Variants in PCGF5 observed in about 807,000 individuals in gnomAD.
PCGF5 encodes the protein polycomb group RING finger protein 5.
Under a neutral mutation model 44.3 loss-of-function variants are expected in PCGF5, and 9 were observed. That is an observed-to-expected ratio of 0.20 (90% CI 0.12 to 0.35). The LOEUF (loss-of-function observed/expected upper bound fraction) is 0.35. PCGF5 is among the 10% of genes least tolerant of loss of function. The pLI is 1.00. For missense variants in PCGF5, 146 were observed against 305.3 expected, an observed-to-expected ratio of 0.48 and a Z score of 3.89; for synonymous variants, 95 against 102.5, an observed-to-expected ratio of 0.93 and a Z score of 0.44.
At chr10:91,219,899 T>G (rs74457866), upstream of PCGF5, among the ~76,000 whole-genome samples, 1,465 of 152,238 alleles carry the variant, frequency 9.6e-3, 19 homozygotes, top group South Asian at 0.033. Context: ...TAGTAAGAAG[T>G]TAACGCCTAT....
intron 6 of PCGF5, among the ~76,000 whole-genome samples, chr10:91,259,296 T>G (rs1386550421): frequency 1.3e-5 from 2 of 152,182 alleles, no homozygotes; most frequent in African/African-American, 4.8e-5. Context: ...TTCTAATTTC[T>G]GGGGCATGCT....
chr10:91,173,191 T>G (rs1245853936), intron 1 of PCGF5, among the ~76,000 whole-genome samples: 1 of 152,236 alleles, frequency 6.6e-6, no homozygotes, highest in Non-Finnish European at 1.5e-5. Context: ...TTTAAGAGCT[T>G]AATTTTTAAA....
chr10:91,237,860 A>G (rs1845210412), intron 2 of PCGF5, among the ~76,000 whole-genome samples: 1 of 152,176 alleles, frequency 6.6e-6, no homozygotes. Flanking sequence ...AAGTGGAATA[A>G]GATACTGCAT....
intron 6 of PCGF5, 58 bp from the exon 7 acceptor site, chr10:91,261,268 C>A: frequency 7.2e-7 from 1 of 1,386,926 alleles, no homozygotes; most frequent in Non-Finnish European, 9.5e-7. Flanking sequence ...TCACCAGAAG[C>A]AAGATAGAAC....
At chr10:91,213,471 A>AT (rs1414116576) in intron 1 of PCGF5, among the ~76,000 whole-genome samples, 43 of 140,266 alleles carry the variant, frequency 3.1e-4, no homozygotes, top group African/African-American at 9.9e-4. Context: ...CATTAAAAAA[A>AT]ATTTTTTTTT....
chr10:91,258,875 A>G (rs1430884791), intron 6 of PCGF5, among the ~76,000 whole-genome samples: 1 of 152,146 alleles, frequency 6.6e-6, no homozygotes, highest in Non-Finnish European at 1.5e-5. Flanking sequence ...ATGTTTTGCT[A>G]GGAAAACATT....
chr10:91,260,511 A>G (rs994036003), intron 6 of PCGF5, among the ~76,000 whole-genome samples: 15 of 152,046 alleles, frequency 9.9e-5, no homozygotes, highest in African/African-American at 3.4e-4. Flanking sequence ...ACATGCACAC[A>G]TATGTTTATT....
At chr10:91,178,942 C>CA (rs763406967) in intron 1 of PCGF5, among the ~76,000 whole-genome samples, 4 of 152,194 alleles carry the variant, frequency 2.6e-5, no homozygotes, top group Admixed American at 2.6e-4. Flanking sequence ...CACTCTATCT[C>CA]AACATCTTTT....
intron 2 of PCGF5, among the ~76,000 whole-genome samples, chr10:91,233,517 C>T (rs1163274595): frequency 3.3e-5 from 5 of 152,022 alleles, no homozygotes; most frequent in South Asian, 4.2e-4. Flanking sequence ...AAGAAAGAAA[C>T]GTGCCAATAT....
upstream of PCGF5, among the ~76,000 whole-genome samples, chr10:91,161,008 T>C (rs1404298168): frequency 6.6e-6 from 1 of 152,210 alleles, no homozygotes; most frequent in African/African-American, 2.4e-5. Context: ...CTTCTCCTGC[T>C]TTCCACCACT....
intron 2 of PCGF5, among the ~76,000 whole-genome samples, chr10:91,239,580 C>T (rs1004972860): frequency 3.9e-5 from 6 of 152,092 alleles, no homozygotes; most frequent in African/African-American, 1.2e-4. Context: ...GTGAAAATTT[C>T]AGGTTATACG....
rs1205441938 is a variant in PCGF5 at position 91,283,291 on chromosome 10, T to A, written c.*4975T>A. ...AAGTTATAAAATTAAAAATAATTAT[T>A]TTAAATGCTCATTCAAATGTGTCTG... On this transcript the variant is annotated 3_prime_UTR_variant, in exon 10 of 10. Coordinates refer to ENST00000336126, the MANE Select transcript of PCGF5 (RefSeq NM_032373.5). 6.6e-6 allele frequency: 1 copy of A among 152,208 alleles called. No individual in the cohort carries two copies. The highest frequency in any genetic ancestry group is 2.4e-5 in the African/African-American group (1 of 41,456). 9.4% of individuals were successfully genotyped at this position (152,208 alleles called of 1,614,324 possible).
In PCGF5 at chr10:91,247,593, G is replaced by C. The variant is rs77033468; in HGVS notation, c.210-912G>C. ...AGGATGAAGGAGATGAGGCAGGAAG[G>C]GGGTGTTGTGGGGGCAAGAGAATGG... On this transcript the variant is annotated intron_variant, in intron 3 of 9. Transcript: ENST00000336126. 6.3e-3 allele frequency among the ~76,000 whole-genome samples: 946 copies of C among 151,120 alleles called. 8 individuals are homozygous for C. Among genetic ancestry groups the C allele is most frequent in the Non-Finnish European group, 0.01 (711 of 67,808 alleles).
chr10:91,247,030 A>T (rs1039532543), intron 3 of PCGF5, among the ~76,000 whole-genome samples: 36 of 152,028 alleles, frequency 2.4e-4, no homozygotes, highest in Non-Finnish European at 4.6e-4. Flanking sequence ...TAATCTGCCT[A>T]TATGTTAGTT....
intron 6 of PCGF5, among the ~76,000 whole-genome samples, chr10:91,259,357 A>G (rs1239987223): frequency 6.6e-6 from 1 of 152,150 alleles, no homozygotes; most frequent in East Asian, 1.9e-4. Context: ...TCAGGGTCCC[A>G]TTTGACATCA....
intron 1 of PCGF5, among the ~76,000 whole-genome samples, chr10:91,208,819 A>G (rs2133247948): frequency 6.6e-6 from 1 of 152,268 alleles, no homozygotes; most frequent in South Asian, 2.1e-4. Context: ...GGAAATAGTG[A>G]CACCTTCAGT....
chr10:91,177,072 A>G lies in PCGF5; in HGVS notation c.-184+13991A>G, dbSNP rs566968228. Among the ~76,000 whole-genome samples the G allele has an allele frequency of 4.3e-3, 653 of 152,318 alleles. 1 individual carries two copies. Among genetic ancestry groups the G allele is most frequent in the African/African-American group, 0.015 (620 of 41,580 alleles). On this transcript the variant is annotated intron_variant, in intron 1 of 9. Coordinates refer to the PCGF5 transcript ENST00000614189. ...TTGGTCTTTGATGATGGTGACGTAC[A>G]GATGGGGTTTTGGTGTGGATGTCCT...
intron 2 of PCGF5, among the ~76,000 whole-genome samples, chr10:91,228,877 A>T (rs1329933806): frequency 2.0e-5 from 3 of 152,356 alleles, no homozygotes; most frequent in Admixed American, 2.0e-4. Flanking sequence ...ACTGAATCAG[A>T]ATCTCTGGAG....
chr10:91,264,054 G>T (rs531955058), intron 7 of PCGF5, among the ~76,000 whole-genome samples: 18 of 152,334 alleles, frequency 1.2e-4, no homozygotes, highest in Non-Finnish European at 2.4e-4. Flanking sequence ...AAGGAGCTGA[G>T]AGGAACTGTG....
Sources: gnomAD v4.1 joint callset for allele counts (sites outside exome capture counted in the v4.1 genomes callset) on GRCh38, gnomAD v4.1.1 for gene constraint, MANE v1.5 for transcripts, NCBI Gene and HGNC (gene_info 2026-07-23, HGNC 2026-07-21) for gene names.